Variants in LSAMP observed in about 807,000 individuals in gnomAD.
LSAMP encodes the protein limbic system-associated membrane protein.
LSAMP carries 7 observed loss-of-function variants against 38.6 expected under a neutral mutation model. The ratio of observed to expected loss-of-function variants is 0.18; its 90% CI spans 0.10 to 0.34. The LOEUF (loss-of-function observed/expected upper bound fraction) is 0.34, where lower values mean the gene tolerates loss of function less well. Ranked by LOEUF, LSAMP falls within the 10% of genes least tolerant of loss-of-function variation. The probability of loss-of-function intolerance (pLI) is 1.00; values close to 1 mark genes in which losing one functional copy is unlikely to be tolerated. For missense variants in LSAMP, 313 were observed against 420.0 expected (o/e 0.75, Z 2.23); for synonymous variants, 154 against 166.8 (o/e 0.92, Z 0.59).
At chr3:116,247,834 TTA>T (rs1419735705) in intron 1 of LSAMP, among the ~76,000 whole-genome samples, 1 of 152,186 alleles carries the variant, frequency 6.6e-6, no homozygotes, top group Non-Finnish European at 1.5e-5. Context: ...ATGTTAATCT[TTA>T]TCAGGCCATA....
rs544105358 is a variant in LSAMP at position 116,409,158 on chromosome 3, A to G, written c.155+35719T>C. ...GTTATCATTGACATTGTTATGAGAC[A>G]CAGTAAAAGTTTAACTACCAGCTGT... is the stretch of plus-strand genomic sequence containing the variant. On this transcript the variant is annotated intron_variant, in intron 1 of 6. Coordinates refer to ENST00000490035, the MANE Select transcript of LSAMP (RefSeq NM_002338.5). Among the ~76,000 whole-genome samples the G allele has an allele frequency of 4.6e-5, 7 of 152,174 alleles. No homozygotes were observed. The East Asian group carries it at 1.4e-3, about 30-fold the overall frequency.
chr3:115,842,343 T>G, intron 5 of LSAMP, 115 bp downstream of exon 5: 33 of 1,335,408 alleles, frequency 2.5e-5, no homozygotes, highest in Non-Finnish European at 3.0e-5. Context: ...AGGAAGAGTG[T>G]GAGAATATAG....
In LSAMP at chr3:115,933,820, C is replaced by T. The variant is rs139808082; in HGVS notation, c.515-81203G>A. Reference sequence around the variant, plus strand: ...GCAGAGTCAAAGCTGCAGTGCCCTCCGCGAGAATGTGCCTGTTGGTGTTGT... The same window carrying T: ...GCAGAGTCAAAGCTGCAGTGCCCTCTGCGAGAATGTGCCTGTTGGTGTTGT... On this transcript the variant is annotated intron_variant, in intron 3 of 6. Transcript: ENST00000490035. 3.1e-3 allele frequency among the ~76,000 whole-genome samples: 479 copies of T among 152,248 alleles called. 3 individuals carry two copies. Among genetic ancestry groups the T allele is most frequent in the African/African-American group, 0.011 (442 of 41,558 alleles).
intron 1 of LSAMP, among the ~76,000 whole-genome samples, chr3:116,383,826 C>A (rs2048592314): frequency 6.6e-6 from 1 of 152,068 alleles, no homozygotes. Context: ...ATTACCATGA[C>A]AATAATTAGC....
intron 2 of LSAMP, among the ~76,000 whole-genome samples, chr3:116,071,158 T>C (rs1203715541): frequency 7.1e-6 from 1 of 141,748 alleles, no homozygotes; most frequent in Non-Finnish European, 1.5e-5. Flanking sequence ...CTAGCATAGA[T>C]GATTTTGTGA....
intron 3 of LSAMP, among the ~76,000 whole-genome samples, chr3:115,972,668 G>T (rs950237340): frequency 6.6e-6 from 1 of 151,104 alleles, no homozygotes; most frequent in African/African-American, 2.4e-5. Context: ...TTTGAATTAA[G>T]GTTAAGAACA....
chr3:116,376,551 A>C (rs561652500), intron 1 of LSAMP, among the ~76,000 whole-genome samples: 1 of 152,168 alleles, frequency 6.6e-6, no homozygotes, highest in East Asian at 1.9e-4. Flanking sequence ...GGTTCATCCA[A>C]AGGAATAATA....
chr3:116,196,649 A>G (rs931348057), intron 1 of LSAMP, among the ~76,000 whole-genome samples: 1 of 152,210 alleles, frequency 6.6e-6, no homozygotes, highest in Non-Finnish European at 1.5e-5. Flanking sequence ...AATTTAGATT[A>G]AAAAAAGTAG....
intron 3 of LSAMP, among the ~76,000 whole-genome samples, chr3:115,925,593 A>G (rs1051521369): frequency 2.6e-5 from 4 of 152,154 alleles, no homozygotes; most frequent in Admixed American, 6.5e-5. Flanking sequence ...AAATTATTTG[A>G]GAATGATGGA....
At chr3:116,109,747 G>A (rs1283465358) in intron 1 of LSAMP, among the ~76,000 whole-genome samples, 1 of 151,982 alleles carries the variant, frequency 6.6e-6, no homozygotes, top group Admixed American at 6.6e-5. Context: ...GGCTGAGGGA[G>A]AAGGAGGAGG....
At chr3:116,357,370 G>A (rs1373390020) in intron 1 of LSAMP, among the ~76,000 whole-genome samples, 1 of 152,082 alleles carries the variant, frequency 6.6e-6, no homozygotes, top group Non-Finnish European at 1.5e-5. Context: ...AATTTTCTTT[G>A]AGAAATAGGA....
At chr3:115,960,816 A>C (rs1462018076) in intron 3 of LSAMP, among the ~76,000 whole-genome samples, 4 of 151,780 alleles carry the variant, frequency 2.6e-5, no homozygotes, top group African/African-American at 7.3e-5. Flanking sequence ...AAAGGCAAAC[A>C]AAAAAAAATC....
At chr3:115,889,527 C>T (rs571714103) in intron 3 of LSAMP, among the ~76,000 whole-genome samples, 1 of 152,040 alleles carries the variant, frequency 6.6e-6, no homozygotes, top group African/African-American at 2.4e-5. Flanking sequence ...AATATGAACA[C>T]AGCACTGGAT....
chr3:116,019,371 C>A, intron 3 of LSAMP, 144 bp downstream of exon 3: 1 of 987,492 alleles, frequency 1.0e-6, no homozygotes, highest in Non-Finnish European at 1.4e-6. Context: ...ATTTTAATAA[C>A]AAGATAGATG....
chr3:116,112,752 T>C (rs976773617), intron 1 of LSAMP, among the ~76,000 whole-genome samples: 2 of 152,110 alleles, frequency 1.3e-5, no homozygotes, highest in South Asian at 4.1e-4. Context: ...AAAATAAAAT[T>C]AGGTGAATTA....
chr3:116,166,948 G>A (rs1478561670), intron 1 of LSAMP, among the ~76,000 whole-genome samples: 1 of 151,632 alleles, frequency 6.6e-6, no homozygotes, highest in Non-Finnish European at 1.5e-5. Flanking sequence ...CCGCCACCAG[G>A]CCCGGCTAAT....
chr3:115,968,668 G>A (rs1358526328), intron 3 of LSAMP, among the ~76,000 whole-genome samples: 1 of 152,170 alleles, frequency 6.6e-6, no homozygotes, highest in East Asian at 1.9e-4. Context: ...GTTTGGGGAG[G>A]GATGGTGCAA....
chr3:116,391,742 C>T (rs932588468), intron 1 of LSAMP, among the ~76,000 whole-genome samples: 4 of 152,268 alleles, frequency 2.6e-5, no homozygotes, highest in African/African-American at 4.8e-5. Flanking sequence ...GGGCTGAGCC[C>T]GGGGTGAGAA....
intron 1 of LSAMP, among the ~76,000 whole-genome samples, chr3:116,185,712 A>C (rs1265488025): frequency 6.6e-6 from 1 of 152,020 alleles, no homozygotes; most frequent in Admixed American, 6.6e-5. Context: ...GCTTTGAAAC[A>C]TTCTAATTGT....
Sources: allele counts gnomAD v4.1 joint callset (sites outside exome capture counted in the v4.1 genomes callset), GRCh38; gene constraint gnomAD v4.1.1; transcripts MANE v1.5; gene names NCBI Gene and HGNC (gene_info 2026-07-23, HGNC 2026-07-21).